Variants in ADCY1 observed in about 807,000 individuals in gnomAD.
ADCY1 encodes adenylate cyclase type 1.
Under a neutral mutation model 105.4 loss-of-function variants are expected in ADCY1, and 28 were observed. That is an observed-to-expected ratio of 0.27 (90% confidence interval 0.20 to 0.36). ADCY1 has a LOEUF of 0.36. ADCY1 is among the 10% of genes least tolerant of loss of function. ADCY1 has a pLI of 1.00. For missense variants in ADCY1, 977 were observed against 1,434.2 expected, an observed-to-expected ratio of 0.68 and a Z score of 5.15; for synonymous variants, 655 against 623.8, an observed-to-expected ratio of 1.05 and a Z score of -0.75.
intron 4 of ADCY1, among the ~76,000 whole-genome samples, chr7:45,644,990 G>C (rs1160235590): frequency 6.6e-6 from 1 of 152,172 alleles, no homozygotes; most frequent in Non-Finnish European, 1.5e-5. Context: ...AGTTTCCAGA[G>C]ACTCATGTGT....
rs1205376887 is a variant in ADCY1 at position 45,574,558 on chromosome 7, G to C, written c.15G>C (p.Pro5=). 1.0e-6 allele frequency: 1 copy of C among 978,244 alleles called. No individual in the cohort carries two copies. Among genetic ancestry groups the C allele is most frequent in the African/African-American group, 1.8e-5 (1 of 56,196 alleles). 60.6% of individuals were successfully genotyped at this position (978,244 alleles called of 1,614,324 possible). MAGA[P]RGGGGGGGGA... ...ATGGCGCTGAGATGGCGGGGGCGCC[G>C]CGCGGCGGAGGCGGCGGCGGAGGCG... is the stretch of plus-strand genomic sequence containing the variant. Residue 5 remains proline, a synonymous_variant, in exon 1 of 20, where the codon CCG becomes CCC. Coordinates refer to ENST00000297323, the MANE Select transcript of ADCY1 (RefSeq NM_021116.4). This position sits in a 1 kb window ranked among gnomAD's most constrained non-coding sequence, Gnocchi z 7.0.
intron 19 of ADCY1, among the ~76,000 whole-genome samples, chr7:45,711,970 C>CATATTATATTAAATATATAA (rs1785259583): frequency 9.8e-6 from 1 of 102,426 alleles, no homozygotes; most frequent in Non-Finnish European, 1.8e-5. Context: ...TATATAAATA[C>CATATTATATTAAATATATAA]ATATTATATT....
At chr7:45,588,304 C>T (rs1792794073) in intron 1 of ADCY1, among the ~76,000 whole-genome samples, 1 of 152,090 alleles carries the variant, frequency 6.6e-6, no homozygotes, top group South Asian at 2.1e-4. Flanking sequence ...CCAGGCCCAT[C>T]TGCTTGATTA....
intron 2 of ADCY1, among the ~76,000 whole-genome samples, chr7:45,603,381 A>G (rs1427421755): frequency 6.6e-6 from 1 of 152,244 alleles, no homozygotes; most frequent in African/African-American, 2.4e-5. Context: ...AGGAGCTGCT[A>G]GACTGTTTTC....
intron 14 of ADCY1, among the ~76,000 whole-genome samples, chr7:45,692,399 C>G (rs1435865740): frequency 6.6e-6 from 1 of 152,184 alleles, no homozygotes; most frequent in Non-Finnish European, 1.5e-5. Context: ...TTAAAGGAAT[C>G]AAACACAAGC....
At chr7:45,654,981 T>C (rs1197147881) in intron 5 of ADCY1, among the ~76,000 whole-genome samples, 2 of 152,224 alleles carry the variant, frequency 1.3e-5, no homozygotes, top group Admixed American at 1.3e-4. Flanking sequence ...TGGAGGCTGC[T>C]GCAGGCGTGT....
rs1436083551 is a variant in ADCY1 at position 45,703,239 on chromosome 7, G to A, written c.2455-137G>A. 2.6e-6 allele frequency: 2 copies of A among 782,122 alleles called. No individual in the cohort carries two copies. Among genetic ancestry groups the A allele is most frequent in the Middle Eastern group, 3.7e-4 (1 of 2,694 alleles). The allele number at this position is 782,122 out of a possible 1,614,324, so 48.4% of individuals were successfully genotyped here. A position where few individuals can be genotyped will look rare whatever the true frequency, so the allele number is the denominator to read the frequency against. On this transcript the variant is annotated intron_variant, in intron 14 of 19. Transcript: ENST00000297323. This position sits in a 1 kb window ranked among gnomAD's most constrained non-coding sequence, Gnocchi z 5.9. The stretch of plus-strand genomic sequence containing the variant: ...ATGGATCTAGTCTTGCATCTAGTGG[G>A]GAGGAGGGACAGGAGCGTGGATGTA...
intron 8 of ADCY1, among the ~76,000 whole-genome samples, chr7:45,670,405 G>A (rs1202827698): frequency 6.6e-6 from 1 of 152,218 alleles, no homozygotes; most frequent in Non-Finnish European, 1.5e-5. Context: ...GAGGATGCTG[G>A]GTGGTGACAG....
intron 1 of ADCY1, among the ~76,000 whole-genome samples, chr7:45,589,414 C>T (rs1189275477): frequency 1.3e-5 from 2 of 152,200 alleles, no homozygotes; most frequent in Non-Finnish European, 2.9e-5. Context: ...CCCTGCAGCC[C>T]TCATCTCTGA....
intron 4 of ADCY1, among the ~76,000 whole-genome samples, chr7:45,637,203 A>G (rs1346768392): frequency 6.6e-6 from 1 of 152,250 alleles, no homozygotes; most frequent in Non-Finnish European, 1.5e-5. Context: ...GAAACTTACA[A>G]TTATATACAT....
In ADCY1 at chr7:45,708,968, G is replaced by GT. The variant is rs3830573; in HGVS notation, c.2932+515dup. Among the ~76,000 whole-genome samples the GT allele has an allele frequency of 3.5e-4, 52 of 147,682 alleles. 1 individual carries two copies. Among genetic ancestry groups the GT allele is most frequent in the South Asian group, 1.9e-3 (9 of 4,636 alleles). On this transcript the variant is annotated intron_variant, in intron 18 of 19. Coordinates refer to ENST00000297323, the MANE Select transcript of ADCY1 (RefSeq NM_021116.4). This position sits in a 1 kb window ranked among gnomAD's most constrained non-coding sequence, Gnocchi z 4.7. ...AGCTTTTATAAAACTATGATTTGTT[G>GT]TTTTTTTTTTTAATCATAAATTCAC...
At chr7:45,580,051 G>A (rs1792482955) in intron 1 of ADCY1, among the ~76,000 whole-genome samples, 1 of 151,482 alleles carries the variant, frequency 6.6e-6, no homozygotes. Flanking sequence ...CTTCCTCAAG[G>A]GCAGTTAACT....
At chr7:45,618,460 A>C (rs1793802157) in intron 3 of ADCY1, among the ~76,000 whole-genome samples, 1 of 152,198 alleles carries the variant, frequency 6.6e-6, no homozygotes, top group Non-Finnish European at 1.5e-5. Context: ...AGGATAAAAC[A>C]TTTGTAAACT....
At chr7:45,698,144 CACAA>C (rs1416233506) in intron 14 of ADCY1, among the ~76,000 whole-genome samples, 2 of 151,014 alleles carry the variant, frequency 1.3e-5, no homozygotes, top group African/African-American at 4.9e-5. Context: ...TGCATGCACA[CACAA>C]ACACACATAC....
chr7:45,703,046 A>G lies in ADCY1; in HGVS notation c.2455-330A>G, dbSNP rs868516665. ...GCCTGGGGGCTGGTGGAGCCTGTGGATGGGCACATGCCTGAGAAAGAGTTG... is the reference window on the plus strand; with the variant it reads ...GCCTGGGGGCTGGTGGAGCCTGTGGGTGGGCACATGCCTGAGAAAGAGTTG... On this transcript the variant is annotated intron_variant, in intron 14 of 19. Transcript: ENST00000297323. This position sits in a 1 kb window ranked among gnomAD's most constrained non-coding sequence, Gnocchi z 5.9. Among the ~76,000 whole-genome samples, 4 of 152,182 alleles carry G rather than the reference A, an allele frequency of 2.6e-5. No individual in the cohort carries two copies. Among genetic ancestry groups the G allele is most frequent in the African/African-American group, 9.7e-5 (4 of 41,442 alleles).
chr7:45,676,047 TG>T, intron 8 of ADCY1, among the ~76,000 whole-genome samples: 1 of 142,526 alleles, frequency 7.0e-6, no homozygotes, highest in African/African-American at 2.7e-5. Flanking sequence ...GGCTCTGTTT[TG>T]TTTTTTTTTT....
intron 10 of ADCY1, among the ~76,000 whole-genome samples, chr7:45,678,714 C>CAAAA (rs35743607): frequency 1.0e-5 from 1 of 96,450 alleles, no homozygotes. Flanking sequence ...ACTCTATCTA[C>CAAAA]AAAAAAAAAA....
intron 8 of ADCY1, among the ~76,000 whole-genome samples, chr7:45,674,726 T>C (rs1307317313): frequency 6.6e-6 from 1 of 152,202 alleles, no homozygotes; most frequent in Non-Finnish European, 1.5e-5. Flanking sequence ...TTTCTATTGT[T>C]TTATGCATAC....
Position 45,686,049 on chromosome 7 carries a change from A to G in ADCY1, c.2161A>G (p.Thr721Ala), listed in dbSNP as rs74535389. The stretch of plus-strand genomic sequence containing the variant: ...TGGGGGCCAGCGCACAGCCCTGCCC[A>G]CCCTGCCCTGCGAGTCTACACACCA... ...SSGGQRTALP[T>A]LPCESTHHAL... is the part of the protein sequence containing the mutation. Residue 721 changes from threonine (T) to alanine (A), a missense_variant, in exon 13 of 20, where the codon ACC becomes GCC. Thr to Ala is a moderately conservative substitution (Grantham distance 58). Around this residue, in one of 7 missense-constraint regions of ADCY1, gnomAD observed 275 missense variants for 362.1 expected, o/e 0.76. Transcript: ENST00000297323. This position sits in a 1 kb window ranked among gnomAD's most constrained non-coding sequence, Gnocchi z 4.3. The G allele has an allele frequency of 5.9e-4, 947 of 1,607,650 alleles. No individual in the cohort carries two copies. Among genetic ancestry groups the G allele is most frequent in the Non-Finnish European group, 6.8e-4 (797 of 1,177,856 alleles).
Sources: allele counts gnomAD v4.1 joint callset (sites outside exome capture counted in the v4.1 genomes callset), GRCh38; gene constraint gnomAD v4.1.1; regional missense constraint gnomAD v4.1.1; non-coding constraint Gnocchi (gnomAD v3.1); transcripts MANE v1.5; gene names NCBI Gene and HGNC (gene_info 2026-07-23, HGNC 2026-07-21).